MITF: variants seen among roughly 807,000 people sequenced by gnomAD.
MITF encodes the protein melanocyte inducing transcription factor.
In MITF, 17 loss-of-function variants were observed where a neutral mutation model predicts 60.5. The observed-to-expected ratio is 0.28, with a 90% CI of 0.19 to 0.42. The LOEUF (loss-of-function observed/expected upper bound fraction) is 0.42. MITF is among the 10% of genes least tolerant of loss of function. MITF has a pLI of 1.00. For synonymous variants in MITF, 260 were observed against 248.5 expected (o/e 1.05, Z -0.43); for missense variants, 622 against 683.5 (o/e 0.91, Z 1.00).
At chr3:69,897,557 G>T (rs1274787828) in intron 2 of MITF, among the ~76,000 whole-genome samples, 1 of 152,058 alleles carries the variant, frequency 6.6e-6, no homozygotes, top group Non-Finnish European at 1.5e-5. Flanking sequence ...TTTTCATAGG[G>T]TCTTTGGTTC....
At chr3:69,823,475 C>G (rs1350906268) in intron 1 of MITF, among the ~76,000 whole-genome samples, 1 of 152,124 alleles carries the variant, frequency 6.6e-6, no homozygotes, top group Non-Finnish European at 1.5e-5. Flanking sequence ...TCTGGTGTCT[C>G]TTCTAATAAG....
intron 1 of MITF, among the ~76,000 whole-genome samples, chr3:69,854,381 G>T (rs969138166): frequency 7.2e-5 from 11 of 152,090 alleles, no homozygotes; most frequent in Non-Finnish European, 1.2e-4. Context: ...GATTTAAAAT[G>T]GTGTAGTATT....
intron 2 of MITF, among the ~76,000 whole-genome samples, chr3:69,924,604 C>T (rs79011967): frequency 0.015 from 2,290 of 152,316 alleles, 24 homozygotes; most frequent in Middle Eastern, 0.051. Flanking sequence ...GTTATTGACT[C>T]GGCTCATCCT....
chr3:69,860,966 G>C (rs1223806299), intron 1 of MITF, among the ~76,000 whole-genome samples: 5 of 152,154 alleles, frequency 3.3e-5, no homozygotes, highest in East Asian at 3.9e-4. Context: ...GTGAGTGAGT[G>C]CTACTGCACA....
intron 2 of MITF, among the ~76,000 whole-genome samples, chr3:69,904,519 T>C (rs578075419): frequency 3.9e-4 from 60 of 152,288 alleles, no homozygotes; most frequent in Non-Finnish European, 6.5e-4. Context: ...AACACTGCTT[T>C]CCATGTGAAG....
chr3:69,922,381 C>T (rs2065487934), intron 2 of MITF, among the ~76,000 whole-genome samples: 1 of 152,066 alleles, frequency 6.6e-6, no homozygotes, highest in South Asian at 2.1e-4. Flanking sequence ...GCCACCACAC[C>T]CAGCTAATTT....
At chr3:69,887,173 A>G (rs1233692619) in intron 2 of MITF, among the ~76,000 whole-genome samples, 1 of 152,064 alleles carries the variant, frequency 6.6e-6, no homozygotes, top group East Asian at 1.9e-4. Context: ...CTATTACTAT[A>G]TTGAAAAAGT....
At position 69,879,196 on chromosome 3, in the gene MITF, G is replaced by A. The variant is rs2107276408; in HGVS notation, c.167G>A (p.Arg56His). The change falls in exon 2 of 10, where the codon CGC (arginine) becomes CAC (histidine). Residue 56 changes from arginine to histidine, a missense_variant. Arg to His is a conservative substitution (Grantham distance 29). Coordinates refer to ENST00000352241, the MANE Select transcript of MITF (RefSeq NM_001354604.2). The part of the protein sequence containing the change: ...PPISSSSMTS[R>H]ILLRQQLMRE... ...ATAAGCTCCTCCAGTATGACATCAC[G>A]CATCTTGCTACGCCAGCAACTCATG... 2 of 1,614,210 alleles carry A rather than the reference G, an allele frequency of 1.2e-6. No homozygotes were observed. The highest frequency in any genetic ancestry group is 1.7e-6 in the Non-Finnish European group (2 of 1,180,042).
At chr3:69,940,153 C>T (rs1326822026) in intron 4 of MITF, among the ~76,000 whole-genome samples, 2 of 152,112 alleles carry the variant, frequency 1.3e-5, no homozygotes, top group South Asian at 2.1e-4. Context: ...TTATGAACCC[C>T]CATTTTATAG....
At chr3:69,936,444 G>A (rs969781786) in intron 2 of MITF, 7 of 484,180 alleles carry the variant, frequency 1.4e-5, no homozygotes, top group Admixed American at 4.0e-5. Flanking sequence ...AAAGCATGAC[G>A]TCAAGCCAGG....
rs537098161 is a variant in MITF at position 69,797,938 on chromosome 3, A to G, written c.104+58237A>G. 2.0e-5 allele frequency among the ~76,000 whole-genome samples: 3 copies of G among 152,312 alleles called. No individual in the cohort carries two copies. In the East Asian group the frequency reaches 5.8e-4, roughly 29 times the overall value. ...TTTAGATGTTTATGGAGGGCTTTAA[A>G]CTGATCACAGATAAAGTGGTGACTC... is the stretch of plus-strand genomic sequence containing the variant. On this transcript the variant is annotated intron_variant, in intron 1 of 9. Coordinates refer to ENST00000352241, the MANE Select transcript of MITF (RefSeq NM_001354604.2).
intron 2 of MITF, among the ~76,000 whole-genome samples, chr3:69,928,321 A>G (rs141226994): frequency 0.022 from 3,327 of 151,980 alleles, 47 homozygotes; most frequent in Middle Eastern, 0.058. Context: ...TATTTATTTT[A>G]TTTTCTCCTA....
intron 1 of MITF, among the ~76,000 whole-genome samples, chr3:69,859,265 T>A (rs1352500687): frequency 6.6e-6 from 1 of 152,188 alleles, no homozygotes; most frequent in Non-Finnish European, 1.5e-5. Context: ...CCACATCTTA[T>A]ACAAATTGGA....
At chr3:69,801,796 A>G (rs2062924549) in intron 1 of MITF, among the ~76,000 whole-genome samples, 1 of 152,124 alleles carries the variant, frequency 6.6e-6, no homozygotes, top group Non-Finnish European at 1.5e-5. Flanking sequence ...AGTATGGTGG[A>G]GAGCTCAGGG....
intron 1 of MITF, among the ~76,000 whole-genome samples, chr3:69,870,524 T>C (rs536173305): frequency 1.4e-4 from 21 of 151,110 alleles, no homozygotes; most frequent in African/African-American, 5.1e-4. Flanking sequence ...AACCTTCACC[T>C]CCTGGGTTCA....
chr3:69,919,686 A>G (rs1415696480), intron 2 of MITF, among the ~76,000 whole-genome samples: 2 of 152,248 alleles, frequency 1.3e-5, no homozygotes, highest in Non-Finnish European at 2.9e-5. Context: ...TTGAAGAGCA[A>G]TTAGAAAATA....
intron 2 of MITF, among the ~76,000 whole-genome samples, chr3:69,888,668 G>A (rs1001757968): frequency 1.3e-5 from 2 of 152,034 alleles, no homozygotes; most frequent in African/African-American, 4.8e-5. Context: ...AATGCCTGCT[G>A]ATTTATTACC....
intron 1 of MITF, among the ~76,000 whole-genome samples, chr3:69,869,134 C>T (rs1195900292): frequency 6.6e-6 from 1 of 152,122 alleles, no homozygotes; most frequent in African/African-American, 2.4e-5. Context: ...TTATTAGATT[C>T]TATGAGGTAG....
chr3:69,754,003 G>C (rs1350626619), intron 1 of MITF, among the ~76,000 whole-genome samples: 1 of 152,088 alleles, frequency 6.6e-6, no homozygotes, highest in East Asian at 1.9e-4. Context: ...TGTGATTTGG[G>C]GGACCAGGGG....
Sources: gnomAD v4.1 joint callset for allele counts (sites outside exome capture counted in the v4.1 genomes callset) on GRCh38, gnomAD v4.1.1 for gene constraint, MANE v1.5 for transcripts, NCBI Gene and HGNC (gene_info 2026-07-23, HGNC 2026-07-21) for gene names.